Variants in GLMN observed in about 807,000 individuals in gnomAD.
GLMN encodes the protein glomulin, FKBP associated protein.
GLMN carries 75 observed loss-of-function variants against 87.8 expected under a neutral mutation model. That is an observed-to-expected ratio of 0.85 (90% CI 0.71 to 1.04). The LOEUF (loss-of-function observed/expected upper bound fraction) is 1.04. Ranked by LOEUF, GLMN falls within the 50% of genes least tolerant of loss-of-function variation. GLMN has a pLI of 0.00. For synonymous variants in GLMN, 206 were observed against 221.6 expected (o/e 0.93, Z 0.63); for missense variants, 588 against 658.8 (o/e 0.89, Z 1.18).
the GLMN span, among the ~76,000 whole-genome samples, chr1:92,306,862 A>C: frequency 6.4e-4 from 98 of 152,334 alleles, 4 homozygotes; most frequent in South Asian, 6.4e-3. Flanking sequence ...ATATTATTCC[A>C]TTCAAAAAAA....
intron 3 of GLMN, among the ~76,000 whole-genome samples, chr1:92,296,455 C>T (rs1366157722): frequency 6.6e-6 from 1 of 152,204 alleles, no homozygotes; most frequent in East Asian, 1.9e-4. Context: ...AGGGGAAATG[C>T]CAGATGGTTA....
chr1:92,304,797 A>G, the GLMN span, among the ~76,000 whole-genome samples: 1 of 152,212 alleles, frequency 6.6e-6, no homozygotes, highest in Non-Finnish European at 1.5e-5. Context: ...CTATACATAG[A>G]TCAATTTTAG....
chr1:92,301,810 G>A (rs1650876008), upstream of GLMN, among the ~76,000 whole-genome samples: 1 of 152,104 alleles, frequency 6.6e-6, no homozygotes, highest in Non-Finnish European at 1.5e-5. Flanking sequence ...ACGTAACAAG[G>A]TGATGACACG....
upstream of GLMN, among the ~76,000 whole-genome samples, chr1:92,302,078 C>T (rs1203233146): frequency 2.6e-5 from 4 of 152,042 alleles, no homozygotes; most frequent in African/African-American, 7.2e-5. Context: ...GTCAGGAGTT[C>T]GAGACCAGCC....
At chr1:92,324,564 C>T in the GLMN span, among the ~76,000 whole-genome samples, 2 of 152,186 alleles carry the variant, frequency 1.3e-5, no homozygotes, top group African/African-American at 2.4e-5. Context: ...AATAAGTTGA[C>T]GTTTACCCCT....
the GLMN span, among the ~76,000 whole-genome samples, chr1:92,309,119 C>T: frequency 6.6e-6 from 1 of 151,658 alleles, no homozygotes; most frequent in East Asian, 1.9e-4. Context: ...AGCTATATAC[C>T]CTTCACTACC....
chr1:92,328,473 A>G, the GLMN span, among the ~76,000 whole-genome samples: 1 of 152,110 alleles, frequency 6.6e-6, no homozygotes, highest in Non-Finnish European at 1.5e-5. Context: ...TTCTCTAAGT[A>G]TGTCCTTCAT....
chr1:92,333,125 T>C, the GLMN span: 5 of 371,230 alleles, frequency 1.3e-5, no homozygotes, highest in Admixed American at 1.6e-4. Flanking sequence ...TTTGTTTACA[T>C]TTTATTATTT....
At chr1:92,358,065 A>G in the GLMN span, among the ~76,000 whole-genome samples, 1 of 152,122 alleles carries the variant, frequency 6.6e-6, no homozygotes, top group Admixed American at 6.6e-5. Flanking sequence ...GTAGAATAAC[A>G]TCATAAAATC....
intron 6 of GLMN, 76 bp downstream of exon 6, chr1:92,288,838 A>G: frequency 1.2e-6 from 1 of 821,294 alleles, no homozygotes; most frequent in South Asian, 1.4e-5. Context: ...CATGTCAAAC[A>G]AAGTGAAGAA....
upstream of GLMN, among the ~76,000 whole-genome samples, chr1:92,302,589 A>ATTTTTT (rs1557586485): frequency 7.6e-5 from 7 of 92,266 alleles, no homozygotes; most frequent in Admixed American, 1.4e-4. Flanking sequence ...TTCCGCATTA[A>ATTTTTT]ATTTTTTTTT....
At chr1:92,342,740 G>A in the GLMN span, among the ~76,000 whole-genome samples, 1 of 152,164 alleles carries the variant, frequency 6.6e-6, no homozygotes, top group Admixed American at 6.5e-5. Flanking sequence ...ATTAGATTTG[G>A]TGACTGGCTG....
upstream of GLMN, chr1:92,301,706 A>C: frequency 8.9e-6 from 4 of 450,734 alleles, no homozygotes; most frequent in Admixed American, 1.3e-4. Context: ...CATTAGATGC[A>C]GATAACAATC....
chr1:92,329,517 A>C, the GLMN span, among the ~76,000 whole-genome samples: 44 of 152,348 alleles, frequency 2.9e-4, no homozygotes, highest in South Asian at 6.2e-4. Context: ...GCCCCAGGCT[A>C]CAGGCCTCCC....
the GLMN span, among the ~76,000 whole-genome samples, chr1:92,359,542 A>T: frequency 2.0e-5 from 3 of 152,228 alleles, no homozygotes; most frequent in African/African-American, 7.2e-5. Flanking sequence ...CTGGTCCCGA[A>T]CTTCTGACCT....
intron 16 of GLMN, among the ~76,000 whole-genome samples, chr1:92,258,478 CAA>C: frequency 6.6e-6 from 1 of 152,130 alleles, no homozygotes; most frequent in East Asian, 1.9e-4. Flanking sequence ...GCACTATTCA[CAA>C]TAGCAAAGAC....
chr1:92,302,369 A>G (rs921617519), upstream of GLMN, among the ~76,000 whole-genome samples: 3 of 151,452 alleles, frequency 2.0e-5, no homozygotes, highest in Non-Finnish European at 2.9e-5. Flanking sequence ...TTTTACCCTT[A>G]GTCATAGTTC....
intron 2 of GLMN, chr1:92,297,759 TA>T: frequency 1.6e-6 from 1 of 627,832 alleles, no homozygotes; most frequent in Non-Finnish European, 2.8e-6. Context: ...GGATCAGGAT[TA>T]AAATGTAAAA....
intron 3 of GLMN, among the ~76,000 whole-genome samples, chr1:92,295,872 TTAG>T (rs1649988037): frequency 6.6e-6 from 1 of 152,228 alleles, no homozygotes; most frequent in Non-Finnish European, 1.5e-5. Flanking sequence ...GCAATAAATA[TTAG>T]TTGTTATTAA....
Sources: allele counts gnomAD v4.1 joint callset (sites outside exome capture counted in the v4.1 genomes callset), GRCh38; gene constraint gnomAD v4.1.1; transcripts MANE v1.5; gene names NCBI Gene and HGNC (gene_info 2026-07-23, HGNC 2026-07-21).